Variants in GBA2 observed in about 807,000 individuals in gnomAD.
GBA2 encodes glucosylceramidase beta 2.
GBA2 carries 79 observed loss-of-function variants against 112.9 expected under a neutral mutation model. That is an observed-to-expected ratio of 0.70 (90% CI 0.58 to 0.84). The LOEUF is 0.84. Ranked by LOEUF, GBA2 falls within the 40% of genes least tolerant of loss-of-function variation. GBA2 has a pLI of 0.00. For synonymous variants in GBA2, 403 were observed against 434.3 expected (o/e 0.93, Z 0.90); for missense variants, 1,043 against 1,190.0 (o/e 0.88, Z 1.82).
chr9:35,740,185 C>G lies in GBA2; in HGVS notation c.1283+24G>C. The G allele has an allele frequency of 1.2e-6, 2 of 1,613,994 alleles. No homozygotes were observed. The highest frequency in any genetic ancestry group is 1.7e-6 in the Non-Finnish European group (2 of 1,179,902). On this transcript the variant is annotated intron_variant, in intron 7 of 16. Transcript: ENST00000378103. The surrounding 1 kb of genome is among the most constrained non-coding windows in gnomAD (Gnocchi z 4.7). ...GGTCAGAGCCCCAGCACTCTGGATC[C>G]TTACACTTTCTTGGTCCCCTCACCT...
chr9:35,747,050 A>G (rs111226685), intron 1 of GBA2, among the ~76,000 whole-genome samples: 60 of 152,120 alleles, frequency 3.9e-4, no homozygotes, highest in African/African-American at 1.4e-3. Flanking sequence ...CACAATTTCA[A>G]CCTCAACTCA....
chr9:35,738,669 G>A lies in GBA2; in HGVS notation c.1948-37C>T, dbSNP rs776980770. On this transcript the variant is annotated intron_variant, in intron 12 of 16. Coordinates refer to ENST00000378103, the MANE Select transcript of GBA2 (RefSeq NM_020944.3). ...CCAAGATGTTGAAGACCTAGGTACC[G>A]AGGAAAGGCAACAACCAGCTAGGCT... The A allele has an allele frequency of 1.7e-5, 27 of 1,600,104 alleles. 1 individual carries two copies. Among genetic ancestry groups the A allele is most frequent in the South Asian group, 1.5e-4 (14 of 90,796 alleles).
chr9:35,744,335 G>C lies in GBA2; in HGVS notation c.529C>G (p.Pro177Ala), dbSNP rs1342387701. The change falls in exon 3 of 17, where the codon CCT becomes GCT. Residue 177 changes from proline to alanine, a missense_variant. Coordinates refer to ENST00000378103, the MANE Select transcript of GBA2 (RefSeq NM_020944.3). ...RGQFCRWQLNPGMYQHRTVIA... is the reference protein window; with the variant it reads ...RGQFCRWQLNAGMYQHRTVIA... The stretch of plus-strand genomic sequence containing the variant: ...ACTGTCCGGTGCTGATACATTCCAG[G>C]GTTAAGCTGCCAACGACAGAACTGG... 1 of 1,613,040 alleles carries C rather than the reference G, an allele frequency of 6.2e-7. No individual in the cohort carries two copies. The highest frequency in any genetic ancestry group is 1.1e-5 in the South Asian group (1 of 91,056).
chr9:35,737,782 ACACCCACCC>A lies in GBA2; in HGVS notation c.2462_2470del (p.Trp821_Val824delinsLeu). The A allele has an allele frequency of 6.2e-7, 1 of 1,613,988 alleles. No individual in the cohort carries two copies. On this transcript the variant is annotated inframe_deletion, in exon 16 of 17. Transcript: ENST00000378103. The surrounding 1 kb of genome is among the most constrained non-coding windows in gnomAD (Gnocchi z 4.1). ...CATGGTAGCTGCCAGCCCGTAGACC[ACACCCACCC>A]AGACTTCATCAGACTGCACACTGGA...
Position 35,741,784 on chromosome 9 carries a change from A to G in GBA2, c.674T>C (p.Phe225Ser). ...RSWNWGLCGY[F>S]AFYHALYPRA... ...GGGATAGAGGGCATGGTAGAAAGCAAAGTACCCACACAGGCCCCAGTTCCA... is the reference window on the plus strand; with the variant it reads ...GGGATAGAGGGCATGGTAGAAAGCAGAGTACCCACACAGGCCCCAGTTCCA... The change falls in exon 4 of 17, where the codon TTT becomes TCT. Residue 225 changes from phenylalanine (F) to serine (S), a missense_variant. Phe to Ser is a radical substitution (Grantham distance 155). Coordinates refer to ENST00000378103, the MANE Select transcript of GBA2 (RefSeq NM_020944.3). The surrounding 1 kb of genome is among the most constrained non-coding windows in gnomAD (Gnocchi z 4.6). 1 of 1,613,860 alleles carries G rather than the reference A, an allele frequency of 6.2e-7. No homozygotes were observed. The highest frequency in any genetic ancestry group is 8.5e-7 in the Non-Finnish European group (1 of 1,179,804).
chr9:35,740,601 C>A lies in GBA2; in HGVS notation c.1054G>T (p.Ala352Ser). The A allele has an allele frequency of 6.2e-7, 1 of 1,614,006 alleles. No individual in the cohort carries two copies. The highest frequency in any genetic ancestry group is 1.1e-5 in the South Asian group (1 of 91,088). ...TAATTVTHIT[A>S]FDPDSTGQQV... The stretch of plus-strand genomic sequence containing the variant: ...TGCCCCGTGCTGTCAGGGTCAAAGG[C>A]TGTGATGTGGGTTACCGTGGTAGCT... The change falls in exon 6 of 17, where the codon GCC becomes TCC. Residue 352 changes from alanine to serine, a missense_variant. Transcript: ENST00000378103. This position sits in a 1 kb window ranked among gnomAD's most constrained non-coding sequence, Gnocchi z 4.7.
rs535941678 is a variant in GBA2, at chr9:35,748,848, G to A, written c.-144C>T. The A allele has an allele frequency of 3.3e-5, 20 of 600,692 alleles. No individual in the cohort carries two copies. The highest frequency in any genetic ancestry group is 3.3e-4 in the African/African-American group (18 of 54,236). The allele number at this position is 600,692 out of a possible 1,614,324, so 37.2% of individuals were successfully genotyped here. ...TTAAATGAGCTGGTGTTTCAGTGGAGCCGGGGAGCTCTTGCTTCAGTGGGG... is the reference window on the plus strand; with the variant it reads ...TTAAATGAGCTGGTGTTTCAGTGGAACCGGGGAGCTCTTGCTTCAGTGGGG... On this transcript the variant is annotated 5_prime_UTR_variant, in exon 1 of 17. Transcript: ENST00000378103.
At position 35,741,824 on chromosome 9, in the gene GBA2, T is replaced by C; in HGVS notation, c.634A>G (p.Ser212Gly). The C allele has an allele frequency of 1.9e-6, 3 of 1,613,970 alleles. No individual in the cohort carries two copies. The highest frequency in any genetic ancestry group is 2.5e-6 in the Non-Finnish European group (3 of 1,179,878). Residue 212 changes from serine to glycine, a missense_variant, in exon 4 of 17, where the codon AGT becomes GGT. Transcript: ENST00000378103. This position sits in a 1 kb window ranked among gnomAD's most constrained non-coding sequence, Gnocchi z 4.6. The stretch of plus-strand genomic sequence containing the variant: ...CCCCAGTTCCAGCTGCGGAGGACAC[T>C]TGGGCGCTCCAGGGACAGGACTTGC... The part of the protein sequence containing the change: ...YQQVLSLERP[S>G]VLRSWNWGLC...
In GBA2 at chr9:35,741,246, AG is replaced by A; in HGVS notation, c.787-183del. On this transcript the variant is annotated intron_variant, in intron 4 of 16. Coordinates refer to ENST00000378103, the MANE Select transcript of GBA2 (RefSeq NM_020944.3). The surrounding 1 kb of genome is among the most constrained non-coding windows in gnomAD (Gnocchi z 4.6). ...TGCCTAGCAGGGAATATAGAAGACC[AG>A]AACCAGTTGGGCGGTGGTTCTGGGA... 1.5e-6 allele frequency: 1 copy of A among 649,636 alleles called. No homozygotes were observed. The highest frequency in any genetic ancestry group is 3.0e-5 in the Admixed American group (1 of 33,634). The allele number at this position is 649,636 out of a possible 1,614,324, so 40.2% of individuals were successfully genotyped here. A position where few individuals can be genotyped will look rare whatever the true frequency, so the allele number is the denominator to read the frequency against.
chr9:35,743,483 A>G (rs1751603762), intron 3 of GBA2, among the ~76,000 whole-genome samples: 1 of 152,232 alleles, frequency 6.6e-6, no homozygotes, highest in Non-Finnish European at 1.5e-5. Context: ...CCCTCAGGAT[A>G]CCTAAGGGAT....
rs1826572740 is a variant in GBA2 at position 35,740,275 on chromosome 9, AG to A, written c.1216del (p.Leu406TrpfsTer166). 6.2e-7 allele frequency: 1 copy of A among 1,614,014 alleles called. No homozygotes were observed. Among genetic ancestry groups the A allele is most frequent in the South Asian group, 1.1e-5 (1 of 91,090 alleles). On this transcript the variant is annotated frameshift_variant, in exon 7 of 17. Transcript: ENST00000378103. LOFTEE classifies it high-confidence loss of function. This position sits in a 1 kb window ranked among gnomAD's most constrained non-coding sequence, Gnocchi z 4.7. The part of the protein sequence containing the change: ...SKLRPRGQCR[L>X]EFSLAWDMPR... ...CATGTCCCAAGCCAGTGAAAACTCC[AG>A]GCGGCACTGGCCTCGAGGTCGCAAC...
chr9:35,744,772 C>T, intron 1 of GBA2, 66 bp from the exon 2 acceptor site: 1 of 823,428 alleles, frequency 1.2e-6, no homozygotes, highest in Admixed American at 1.8e-5. Flanking sequence ...GCTGAGTCAC[C>T]TGCCTCTCTC....
In GBA2 at chr9:35,740,644, G is replaced by A. The variant is rs752258192; in HGVS notation, c.1027-16C>T. ...TGGTAGCTGCCTGTGAAGGGGTCAG[G>A]GACTGTGAGGGCAGGCTCCACGAGT... On this transcript the variant is annotated splice_polypyrimidine_tract_variant and intron_variant, in intron 5 of 16. Coordinates refer to ENST00000378103, the MANE Select transcript of GBA2 (RefSeq NM_020944.3). This position sits in a 1 kb window ranked among gnomAD's most constrained non-coding sequence, Gnocchi z 4.7. 2 of 1,589,464 alleles carry A rather than the reference G, an allele frequency of 1.3e-6. No homozygotes were observed. Among genetic ancestry groups the A allele is most frequent in the South Asian group, 2.2e-5 (2 of 90,520 alleles).
chr9:35,744,247 T>G, intron 3 of GBA2, 50 bp downstream of exon 3: 1 of 1,019,958 alleles, frequency 9.8e-7, no homozygotes, highest in South Asian at 1.3e-5. Flanking sequence ...GGTCCTTCCT[T>G]CTTGGCCTGG....
At position 35,737,743 on chromosome 9, in the gene GBA2, A is replaced by T. The variant is rs1341915306; in HGVS notation, c.2505+5T>A. 6.2e-7 allele frequency: 1 copy of T among 1,613,556 alleles called. No individual in the cohort carries two copies. The highest frequency in any genetic ancestry group is 2.2e-5 in the East Asian group (1 of 44,872). On this transcript the variant is annotated splice_donor_5th_base_variant and intron_variant, in intron 16 of 16. Transcript: ENST00000378103. This position sits in a 1 kb window ranked among gnomAD's most constrained non-coding sequence, Gnocchi z 4.1. ...GGTGGAGAGATGGGAAAAGGAGTGC[A>T]TTACCTCTTGGATCATGGTAGCTGC... is the stretch of plus-strand genomic sequence containing the variant.
chr9:35,739,089 C>T lies in GBA2; in HGVS notation c.1708G>A (p.Asp570Asn). The change falls in exon 11 of 17, where the codon GAC becomes AAC. Residue 570 changes from aspartate to asparagine, a missense_variant. Physicochemically the swap from Asp to Asn is conservative, Grantham distance 23 (BLOSUM62 1). Coordinates refer to ENST00000378103, the MANE Select transcript of GBA2 (RefSeq NM_020944.3). ...YDMALATLREDLTRRRYLMSG... is the reference protein window; with the variant it reads ...YDMALATLRENLTRRRYLMSG... Reference sequence around the variant, plus strand: ...ATCAGGTACCGTCGCCGTGTCAGGTCCTCCCTGAGAGTGGCCAGAGCTGGG... The same window carrying T: ...ATCAGGTACCGTCGCCGTGTCAGGTTCTCCCTGAGAGTGGCCAGAGCTGGG... 1 of 1,601,522 alleles carries T rather than the reference C, an allele frequency of 6.2e-7. No individual in the cohort carries two copies. The highest frequency in any genetic ancestry group is 1.1e-5 in the South Asian group (1 of 90,280).
intron 3 of GBA2, 22 bp downstream of exon 3, chr9:35,744,275 C>G (rs1476785573): frequency 7.2e-7 from 1 of 1,387,980 alleles, no homozygotes; most frequent in East Asian, 2.3e-5. Flanking sequence ...TTGTCCTGGC[C>G]TCTCCACCTC....
In GBA2 at chr9:35,741,153, C is replaced by T; in HGVS notation, c.787-89G>A. 1 of 1,411,180 alleles carries T rather than the reference C, an allele frequency of 7.1e-7. No homozygotes were observed. Among genetic ancestry groups the T allele is most frequent in the Non-Finnish European group, 9.8e-7 (1 of 1,020,840 alleles). The allele number at this position is 1,411,180 out of a possible 1,614,324, so 87.4% of individuals were successfully genotyped here. On this transcript the variant is annotated intron_variant, in intron 4 of 16. Transcript: ENST00000378103. The surrounding 1 kb of genome is among the most constrained non-coding windows in gnomAD (Gnocchi z 4.6). Reference sequence around the variant, plus strand: ...GATCAGTCCTGGGCACACAGAGGACCTGACTCAAATACTCCCCAGTGTACT... The same window carrying T: ...GATCAGTCCTGGGCACACAGAGGACTTGACTCAAATACTCCCCAGTGTACT...
chr9:35,739,673 G>A lies in GBA2; in HGVS notation c.1537C>T (p.Leu513Phe). The A allele has an allele frequency of 6.2e-7, 1 of 1,614,124 alleles. No individual in the cohort carries two copies. The highest frequency in any genetic ancestry group is 1.1e-5 in the South Asian group (1 of 91,084). ...PEELGRNMCH[L>F]RPTLRDYGRF... The stretch of plus-strand genomic sequence containing the variant: ...CCGTAGTCCCGTAGGGTGGGGCGGA[G>A]GTGACACATGTTTCTGCCCAGCTCC... Residue 513 changes from leucine (L) to phenylalanine (F), a missense_variant, in exon 9 of 17, where the codon CTC (leucine) becomes TTC (phenylalanine). Physicochemically the swap from Leu to Phe is conservative, Grantham distance 22 (BLOSUM62 0). Coordinates refer to ENST00000378103, the MANE Select transcript of GBA2 (RefSeq NM_020944.3).
Sources: gnomAD v4.1 joint callset for allele counts (sites outside exome capture counted in the v4.1 genomes callset) on GRCh38, gnomAD v4.1.1 for gene constraint, Gnocchi (gnomAD v3.1) non-coding constraint, MANE v1.5 for transcripts, NCBI Gene and HGNC (gene_info 2026-07-23, HGNC 2026-07-21) for gene names.